Variants in DNAJB6 observed in about 807,000 individuals in gnomAD.
The protein encoded by DNAJB6 is dnaJ homolog subfamily B member 6.
A neutral mutation model predicts 42.7 loss-of-function variants in DNAJB6; 16 were observed. The ratio of observed to expected loss-of-function variants is 0.37; its 90% confidence interval spans 0.25 to 0.57. The LOEUF (loss-of-function observed/expected upper bound fraction) is 0.57. Among genes scored for constraint, DNAJB6 ranks in the 20% least tolerant of loss-of-function variants. The probability of loss-of-function intolerance (pLI) is 0.74; values close to 1 mark genes in which losing one functional copy is unlikely to be tolerated. For synonymous variants in DNAJB6, 170 were observed against 163.5 expected (o/e 1.04, Z -0.30); for missense variants, 347 against 416.8 (o/e 0.83, Z 1.46).
intron 5 of DNAJB6, among the ~76,000 whole-genome samples, chr7:157,373,088 A>G (rs1800297759): frequency 6.6e-6 from 1 of 152,130 alleles, no homozygotes; most frequent in Non-Finnish European, 1.5e-5. Context: ...CCTTTTTATA[A>G]GGACATCATT....
Position 157,363,210 on chromosome 7 carries a change from AAAG to A in DNAJB6, c.122_124del (p.Glu41del), listed in dbSNP as rs776689292. 1.9e-6 allele frequency: 3 copies of A among 1,611,998 alleles called. No homozygotes were observed. Among genetic ancestry groups the A allele is most frequent in the Non-Finnish European group, 2.5e-6 (3 of 1,179,162 alleles). ...GCATCCAGATAAAAATCCTGAGAAT[AAAG>A]AAGAAGCAGAGAGAAAATTCAAGCA... On this transcript the variant is annotated inframe_deletion, in exon 3 of 10. Transcript: ENST00000262177.
intron 1 of DNAJB6, among the ~76,000 whole-genome samples, chr7:157,337,962 A>G (rs1340691951): frequency 6.6e-6 from 1 of 152,190 alleles, no homozygotes; most frequent in Non-Finnish European, 1.5e-5. Flanking sequence ...CAGCGCAAGT[A>G]GAACGATCGT....
intron 5 of DNAJB6, chr7:157,372,358 G>C (rs900827196): frequency 1.3e-5 from 2 of 153,304 alleles, no homozygotes; most frequent in Admixed American, 6.5e-5. Context: ...GCGAGGAGCT[G>C]GGGCTCATAT....
chr7:157,337,450 C>G (rs929246713), intron 1 of DNAJB6: 4 of 152,270 alleles, frequency 2.6e-5, no homozygotes, highest in Admixed American at 6.6e-5. Flanking sequence ...GGGTGGGGCC[C>G]GGCCTGGGAG....
chr7:157,388,643 G>T (rs963818022), intron 8 of DNAJB6, among the ~76,000 whole-genome samples: 1 of 150,596 alleles, frequency 6.6e-6, no homozygotes, highest in Admixed American at 6.6e-5. Context: ...GCTTTTGGGG[G>T]GGGGGTAAGT....
intron 8 of DNAJB6, among the ~76,000 whole-genome samples, chr7:157,392,364 T>G (rs113680314): frequency 0.022 from 3,312 of 152,022 alleles, 103 homozygotes; most frequent in African/African-American, 0.071. Context: ...AGTGGGTTTT[T>G]TTTTTTTTTT....
chr7:157,398,033 C>G (rs376089347), intron 8 of DNAJB6, among the ~76,000 whole-genome samples: 2 of 152,356 alleles, frequency 1.3e-5, no homozygotes, highest in African/African-American at 4.8e-5. Context: ...AAAACTTGTT[C>G]AGCCTTCGTA....
chr7:157,371,482 A>G (rs1800208167), intron 5 of DNAJB6, among the ~76,000 whole-genome samples: 1 of 152,208 alleles, frequency 6.6e-6, no homozygotes, highest in Admixed American at 6.5e-5. Context: ...GTGGCCAAGG[A>G]GACTTGGGCC....
chr7:157,383,632 TG>T (rs1800901991), intron 6 of DNAJB6, among the ~76,000 whole-genome samples: 1 of 150,616 alleles, frequency 6.6e-6, no homozygotes. Flanking sequence ...TGTGTGTGTG[TG>T]TGTGTGTGTG....
At chr7:157,411,997 T>A (rs1434955041) in intron 9 of DNAJB6, 1 of 152,272 alleles carries the variant, frequency 6.6e-6, no homozygotes, top group African/African-American at 2.4e-5. Flanking sequence ...TCTTTGTGGA[T>A]CTTCCGTTTT....
At chr7:157,407,964 C>G (rs1395885260) in intron 8 of DNAJB6, among the ~76,000 whole-genome samples, 1 of 152,168 alleles carries the variant, frequency 6.6e-6, no homozygotes, top group East Asian at 1.9e-4. Flanking sequence ...GCTGTGTGTG[C>G]ATGGCGCCCG....
chr7:157,410,195 C>T lies in DNAJB6; in HGVS notation c.898+194C>T, dbSNP rs553114839. 32 of 1,337,782 alleles carry T rather than the reference C, an allele frequency of 2.4e-5. No homozygotes were observed. In the African/African-American group the frequency reaches 4.8e-4, roughly 20 times the overall value. 82.9% of individuals were successfully genotyped at this position (1,337,782 alleles called of 1,614,324 possible). A position where few individuals can be genotyped will look rare whatever the true frequency, so the allele number is the denominator to read the frequency against. On this transcript the variant is annotated intron_variant, in intron 9 of 9. Transcript: ENST00000262177. Reference sequence around the variant, plus strand: ...GCGGCGCCCCACGCCACGGTGGCTCCGGGCCCCCCACCGTTAAAACGGGGT... The same window carrying T: ...GCGGCGCCCCACGCCACGGTGGCTCTGGGCCCCCCACCGTTAAAACGGGGT...
At chr7:157,353,749 ACCTT>A (rs1799131231) in intron 1 of DNAJB6, among the ~76,000 whole-genome samples, 1 of 151,896 alleles carries the variant, frequency 6.6e-6, no homozygotes, top group Non-Finnish European at 1.5e-5. Context: ...AGCCTTGACA[ACCTT>A]CCTGGCTCAA....
At chr7:157,378,255 A>C (rs1800571430) in intron 5 of DNAJB6, 1 of 152,226 alleles carries the variant, frequency 6.6e-6, no homozygotes, top group African/African-American at 2.4e-5. Context: ...AGGTAAAGTA[A>C]AAAAGAAGTT....
chr7:157,356,263 A>G lies in DNAJB6; in HGVS notation c.-26-2284A>G, dbSNP rs115572230. Among the ~76,000 whole-genome samples, 644 of 152,350 alleles carry G rather than the reference A, an allele frequency of 4.2e-3. 5 individuals are homozygous for G. Among genetic ancestry groups the G allele is most frequent in the African/African-American group, 0.015 (614 of 41,584 alleles). ...TGCCACCTCAGATCGTTGGCAGCAAACTGGAGCTGGAGTGAAAATAACCTC... is the reference window on the plus strand; with the variant it reads ...TGCCACCTCAGATCGTTGGCAGCAAGCTGGAGCTGGAGTGAAAATAACCTC... On this transcript the variant is annotated intron_variant, in intron 1 of 9. Coordinates refer to ENST00000262177, the MANE Select transcript of DNAJB6 (RefSeq NM_058246.4).
At chr7:157,393,184 C>A (rs930631954) in intron 8 of DNAJB6, among the ~76,000 whole-genome samples, 11 of 152,088 alleles carry the variant, frequency 7.2e-5, no homozygotes, top group Non-Finnish European at 1.2e-4. Context: ...CTATTTTGGT[C>A]AGGCTGATCC....
At chr7:157,397,622 C>T (rs1801655309) in intron 8 of DNAJB6, among the ~76,000 whole-genome samples, 1 of 152,256 alleles carries the variant, frequency 6.6e-6, no homozygotes, top group South Asian at 2.1e-4. Flanking sequence ...ATCCCTCTCC[C>T]AGCTGGGCCC....
intron 8 of DNAJB6, among the ~76,000 whole-genome samples, chr7:157,404,506 TTTTTC>T (rs1291063999): frequency 2.0e-5 from 3 of 148,280 alleles, no homozygotes; most frequent in South Asian, 2.1e-4. Flanking sequence ...GGGTCTGTCT[TTTTTC>T]TTTTCTTTTT....
intron 8 of DNAJB6, among the ~76,000 whole-genome samples, chr7:157,389,183 T>C (rs1801221335): frequency 6.6e-6 from 1 of 152,244 alleles, no homozygotes; most frequent in South Asian, 2.1e-4. Context: ...TGTTTATTAA[T>C]TAGAGCTTGA....
Sources: gnomAD v4.1 joint callset for allele counts (sites outside exome capture counted in the v4.1 genomes callset) on GRCh38, gnomAD v4.1.1 for gene constraint, MANE v1.5 for transcripts, NCBI Gene and HGNC (gene_info 2026-07-23, HGNC 2026-07-21) for gene names.